The following PRKN variants were observed in gnomAD, a reference collection of about 807,000 sequenced individuals.
PRKN encodes the protein parkin RBR E3 ubiquitin protein ligase, also known as E3 ubiquitin-protein ligase parkin.
PRKN carries 56 observed loss-of-function variants against 59.5 expected under a neutral mutation model. The ratio of observed to expected loss-of-function variants is 0.94; its 90% CI spans 0.76 to 1.18. The LOEUF (loss-of-function observed/expected upper bound fraction) is 1.18, where lower values mean the gene tolerates loss of function less well. Among genes scored for constraint, PRKN ranks in the 50% most tolerant of loss-of-function variants. PRKN has a pLI of 0.00. For synonymous variants in PRKN, 250 were observed against 222.1 expected (o/e 1.13, Z -1.12); for missense variants, 657 against 596.4 (o/e 1.10, Z -1.06).
At chr6:161,512,598 A>T (rs1778434195) in intron 9 of PRKN, among the ~76,000 whole-genome samples, 1 of 152,206 alleles carries the variant, frequency 6.6e-6, no homozygotes, top group South Asian at 2.1e-4. Context: ...TTCCTGGTGA[A>T]TTGGTATACA....
chr6:162,275,420 G>T (rs1780590483), intron 2 of PRKN: 1 of 152,066 alleles, frequency 6.6e-6, no homozygotes, highest in South Asian at 2.1e-4. Flanking sequence ...TTATTTTCTT[G>T]GTTTATACAT....
intron 7 of PRKN, among the ~76,000 whole-genome samples, chr6:161,601,084 C>T (rs531756739): frequency 6.6e-6 from 1 of 152,286 alleles, no homozygotes; most frequent in South Asian, 2.1e-4. Context: ...ATAATCAAGA[C>T]TGTATCTCAA....
At chr6:161,873,962 TAAAATATAATATATAAAATATATATG>T (rs1794459923) in intron 6 of PRKN, among the ~76,000 whole-genome samples, 1 of 84,004 alleles carries the variant, frequency 1.2e-5, no homozygotes. Context: ...ATATTATATG[TAAAATATAATATATAAAATATATATG>T]TAAAATATAA....
intron 1 of PRKN, among the ~76,000 whole-genome samples, chr6:162,455,216 C>G (rs544331267): frequency 3.3e-5 from 5 of 152,268 alleles, no homozygotes; most frequent in African/African-American, 1.2e-4. Flanking sequence ...AGTTCCATCT[C>G]TTACCTAACC....
intron 6 of PRKN, among the ~76,000 whole-genome samples, chr6:161,816,456 A>G (rs909714748): frequency 6.6e-6 from 1 of 152,170 alleles, no homozygotes; most frequent in Non-Finnish European, 1.5e-5. Flanking sequence ...CGGTGTATAC[A>G]TGTATCATGA....
chr6:161,825,210 G>A (rs186564551), intron 6 of PRKN, among the ~76,000 whole-genome samples: 2 of 151,958 alleles, frequency 1.3e-5, no homozygotes, highest in East Asian at 1.9e-4. Context: ...AGTATTAAAG[G>A]GAATATCACA....
At chr6:161,806,354 G>A (rs1791320683) in intron 6 of PRKN, among the ~76,000 whole-genome samples, 1 of 152,174 alleles carries the variant, frequency 6.6e-6, no homozygotes, top group Non-Finnish European at 1.5e-5. Flanking sequence ...ACAGGACAGA[G>A]GCAGCGCATG....
intron 7 of PRKN, among the ~76,000 whole-genome samples, chr6:161,698,825 C>T (rs770804124): frequency 5.3e-5 from 8 of 152,082 alleles, no homozygotes; most frequent in Non-Finnish European, 1.0e-4. Context: ...AGGTAAAACA[C>T]TAAACTATAA....
intron 1 of PRKN, among the ~76,000 whole-genome samples, chr6:162,585,643 G>T (rs1322431644): frequency 1.3e-5 from 2 of 152,044 alleles, no homozygotes; most frequent in African/African-American, 4.8e-5. Context: ...AATTATTTTT[G>T]ATTCCACATT....
chr6:161,662,280 G>T (rs1280657715), intron 7 of PRKN, among the ~76,000 whole-genome samples: 1 of 152,166 alleles, frequency 6.6e-6, no homozygotes, highest in Non-Finnish European at 1.5e-5. Context: ...GTGCTGACCT[G>T]GATGCAGACA....
In PRKN at chr6:161,428,926, T is replaced by C. The variant is rs993445238; in HGVS notation, c.1084-42049A>G. Among the ~76,000 whole-genome samples the C allele has an allele frequency of 6.6e-6, 1 of 152,202 alleles. No individual in the cohort carries two copies. Among genetic ancestry groups the C allele is most frequent in the African/African-American group, 2.4e-5 (1 of 41,454 alleles). On this transcript the variant is annotated intron_variant, in intron 9 of 11. Transcript: ENST00000366898. The surrounding 1 kb of genome is among the most constrained non-coding windows in gnomAD (Gnocchi z 4.0). ...GGGGTCCCTGGTTTCTCCCACCTTC[T>C]TCCTGATGGCCAGGCATACATTCCT... is the stretch of plus-strand genomic sequence containing the variant.
chr6:162,260,662 T>C (rs564067026), intron 3 of PRKN, among the ~76,000 whole-genome samples: 1 of 152,120 alleles, frequency 6.6e-6, no homozygotes, highest in African/African-American at 2.4e-5. Context: ...CAGATGAATA[T>C]GGTTGATAAG....
chr6:162,198,142 A>G (rs2128329114), intron 4 of PRKN, among the ~76,000 whole-genome samples: 1 of 152,326 alleles, frequency 6.6e-6, no homozygotes, highest in Non-Finnish European at 1.5e-5. Flanking sequence ...TGCAGAGCAG[A>G]AAACAGTGCT....
At chr6:161,913,910 G>T (rs1778458803) in intron 6 of PRKN, among the ~76,000 whole-genome samples, 1 of 152,192 alleles carries the variant, frequency 6.6e-6, no homozygotes, top group African/African-American at 2.4e-5. Flanking sequence ...GTCATGTAAG[G>T]ACAGCAAGAA....
chr6:162,654,600 T>G (rs565904311), intron 1 of PRKN, among the ~76,000 whole-genome samples: 1 of 152,214 alleles, frequency 6.6e-6, no homozygotes. Context: ...CCTTCAAAAT[T>G]TATTTTCAAA....
In PRKN at chr6:162,190,302, G is replaced by A. The variant is rs1157589974; in HGVS notation, c.534+10829C>T. 2.0e-5 allele frequency among the ~76,000 whole-genome samples: 3 copies of A among 152,126 alleles called. No homozygotes were observed. In the East Asian group the frequency reaches 5.8e-4, roughly 29 times the overall value. ...TACTCTTCCATTTTCTTTTCAGCAA[G>A]GGAAAACTCCATGTTTCACTTCTAA... On this transcript the variant is annotated intron_variant, in intron 4 of 11. Coordinates refer to ENST00000366898, the MANE Select transcript of PRKN (RefSeq NM_004562.3).
rs76056579 is a variant in PRKN, at chr6:162,344,613, G to A, written c.172-81848C>T. On this transcript the variant is annotated intron_variant, in intron 2 of 11. Transcript: ENST00000366898. Reference sequence around the variant, plus strand: ...TTCTGAAGGTTGAGAGAAAAATGGCGTCTTTATGATGCCCCCTGCCCACCG... The same window carrying A: ...TTCTGAAGGTTGAGAGAAAAATGGCATCTTTATGATGCCCCCTGCCCACCG... Among the ~76,000 whole-genome samples the A allele has an allele frequency of 1.0e-3, 109 of 108,274 alleles. 1 individual carries two copies. In the East Asian group the frequency reaches 0.022, roughly 22 times the overall value. 71.0% of individuals were successfully genotyped at this position (108,274 alleles called of 152,430 possible). A position where few individuals can be genotyped will look rare whatever the true frequency, so the allele number is the denominator to read the frequency against.
At chr6:162,459,629 A>T (rs1279148249) in intron 1 of PRKN, among the ~76,000 whole-genome samples, 3 of 152,196 alleles carry the variant, frequency 2.0e-5, no homozygotes, top group Non-Finnish European at 4.4e-5. Context: ...TCTTGCTTTA[A>T]TACCTTCAAA....
chr6:161,564,921 G>A lies in PRKN; in HGVS notation c.933+4434C>T, dbSNP rs1295991057. On this transcript the variant is annotated intron_variant, in intron 8 of 11. Transcript: ENST00000366898. ...CTCTGACCTCGTCGGTGCTGACCAT[G>A]CAGCTCCTCCACAAGCTCGATGTGA... Among the ~76,000 whole-genome samples the A allele has an allele frequency of 7.9e-5, 12 of 152,218 alleles. 1 individual carries two copies. The highest frequency in any genetic ancestry group is 1.8e-4 in the Non-Finnish European group (12 of 68,042).
Sources: allele counts gnomAD v4.1 joint callset (sites outside exome capture counted in the v4.1 genomes callset), GRCh38; gene constraint gnomAD v4.1.1; non-coding constraint Gnocchi (gnomAD v3.1); transcripts MANE v1.5; gene names NCBI Gene and HGNC (gene_info 2026-07-23, HGNC 2026-07-21).